Variants in CDK5RAP2 observed in about 807,000 individuals in gnomAD.
The protein encoded by CDK5RAP2 is CDK5 regulatory subunit-associated protein 2.
A neutral mutation model predicts 232.9 loss-of-function variants in CDK5RAP2; 147 were observed. That is an observed-to-expected ratio of 0.63 (90% CI 0.55 to 0.72). CDK5RAP2 has a LOEUF of 0.72. Ranked by LOEUF, CDK5RAP2 falls within the 30% of genes least tolerant of loss-of-function variation. The pLI is 0.00. For synonymous variants in CDK5RAP2, 833 were observed against 833.7 expected (o/e 1.00, Z 0.01); for missense variants, 2,195 against 2,231.5 (o/e 0.98, Z 0.33).
chr9:120,447,228 T>C (rs527577635), intron 22 of CDK5RAP2, among the ~76,000 whole-genome samples: 6 of 152,220 alleles, frequency 3.9e-5, no homozygotes, highest in Non-Finnish European at 7.3e-5. Flanking sequence ...ATGCTACTTA[T>C]ATGCTCAGCT....
At chr9:120,552,532 T>C (rs1202452452) in intron 3 of CDK5RAP2, among the ~76,000 whole-genome samples, 1 of 152,088 alleles carries the variant, frequency 6.6e-6, no homozygotes, top group African/African-American at 2.4e-5. Flanking sequence ...GATGAATTCA[T>C]GTCCTTTGTA....
chr9:120,427,213 C>G (rs936555342), intron 25 of CDK5RAP2, among the ~76,000 whole-genome samples: 1 of 152,166 alleles, frequency 6.6e-6, no homozygotes, highest in African/African-American at 2.4e-5. Flanking sequence ...CTGGGCCACT[C>G]TGTGTCTTGG....
chr9:120,440,096 C>G, intron 23 of CDK5RAP2, 124 bp from the exon 24 acceptor site: 1 of 778,020 alleles, frequency 1.3e-6, no homozygotes, highest in Non-Finnish European at 2.2e-6. Flanking sequence ...TCAAAAAGGC[C>G]CTAGTATTTC....
intron 18 of CDK5RAP2, among the ~76,000 whole-genome samples, chr9:120,466,111 TC>T (rs1238562672): frequency 1.3e-5 from 2 of 152,164 alleles, no homozygotes; most frequent in Non-Finnish European, 2.9e-5. Context: ...TACTTGCTTT[TC>T]CCCCCTCCTT....
chr9:120,466,858 C>A (rs1012206807), intron 18 of CDK5RAP2, among the ~76,000 whole-genome samples: 3 of 152,198 alleles, frequency 2.0e-5, no homozygotes, highest in African/African-American at 7.2e-5. Flanking sequence ...AATGTGAGTT[C>A]TCCATTTACC....
At chr9:120,565,495 A>G (rs2042616127) in intron 3 of CDK5RAP2, among the ~76,000 whole-genome samples, 1 of 152,104 alleles carries the variant, frequency 6.6e-6, no homozygotes, top group South Asian at 2.1e-4. Context: ...CTTCAGGACA[A>G]AAACCAAACA....
Position 120,461,942 on chromosome 9 carries a change from T to C in CDK5RAP2, c.2107-1275A>G, listed in dbSNP as rs189903096. Reference sequence around the variant, plus strand: ...TGTTGTACGTGTGAGATACCTACGGTTCTAGCTCAAGTTTTATTTCTGAAT... The same window carrying C: ...TGTTGTACGTGTGAGATACCTACGGCTCTAGCTCAAGTTTTATTTCTGAAT... On this transcript the variant is annotated intron_variant, in intron 18 of 37. Transcript: ENST00000349780. 1.9e-3 allele frequency among the ~76,000 whole-genome samples: 284 copies of C among 152,350 alleles called. 2 individuals are homozygous for C. The highest frequency in any genetic ancestry group is 6.5e-3 in the African/African-American group (269 of 41,578).
chr9:120,444,488 G>C (rs529837822), intron 22 of CDK5RAP2, among the ~76,000 whole-genome samples: 65 of 152,334 alleles, frequency 4.3e-4, no homozygotes, highest in African/African-American at 1.1e-3. Flanking sequence ...CATGAGGCTG[G>C]AAACATAGCA....
At chr9:120,449,832 T>C (rs191193755) in intron 21 of CDK5RAP2, among the ~76,000 whole-genome samples, 6 of 152,206 alleles carry the variant, frequency 3.9e-5, no homozygotes, top group East Asian at 1.9e-4. Context: ...CACTACTTCA[T>C]ACCTATTAGA....
At chr9:120,393,520 C>G (rs774433127) in intron 36 of CDK5RAP2, among the ~76,000 whole-genome samples, 1 of 152,256 alleles carries the variant, frequency 6.6e-6, no homozygotes, top group Non-Finnish European at 1.5e-5. Flanking sequence ...ACAAGGCAGG[C>G]TGGCACCTCC....
intron 29 of CDK5RAP2, among the ~76,000 whole-genome samples, chr9:120,410,810 T>C (rs2033800542): frequency 6.6e-6 from 1 of 152,236 alleles, no homozygotes; most frequent in South Asian, 2.1e-4. Context: ...GTTTCTCACC[T>C]GTCAAATAGG....
chr9:120,404,177 A>G (rs2033273266), intron 32 of CDK5RAP2, 64 bp from the exon 33 acceptor site: 5 of 1,025,624 alleles, frequency 4.9e-6, no homozygotes, highest in Non-Finnish European at 7.7e-6. Flanking sequence ...AGAGAACTGA[A>G]AGAGAATACA....
At chr9:120,564,970 C>T (rs2042596550) in intron 3 of CDK5RAP2, among the ~76,000 whole-genome samples, 1 of 152,206 alleles carries the variant, frequency 6.6e-6, no homozygotes, top group Non-Finnish European at 1.5e-5. Context: ...AGAAGAGCAA[C>T]TGATTTACCG....
intron 6 of CDK5RAP2, 98 bp downstream of exon 6, chr9:120,538,943 G>T: frequency 1.5e-6 from 2 of 1,307,756 alleles, no homozygotes; most frequent in Non-Finnish European, 2.2e-6. Context: ...TGTTGTTTCT[G>T]CTGAAACTGA....
At chr9:120,503,830 A>G (rs1408356750) in intron 12 of CDK5RAP2, among the ~76,000 whole-genome samples, 1 of 151,872 alleles carries the variant, frequency 6.6e-6, no homozygotes, top group Non-Finnish European at 1.5e-5. Context: ...GTTTCCTCAC[A>G]TGGCCATGGC....
At chr9:120,459,801 C>G (rs1056611432) in intron 19 of CDK5RAP2, among the ~76,000 whole-genome samples, 3 of 152,156 alleles carry the variant, frequency 2.0e-5, no homozygotes, top group Non-Finnish European at 4.4e-5. Context: ...CTTTCTAAAA[C>G]TATCTACATT....
At position 120,400,890 on chromosome 9, in the gene CDK5RAP2, AC is replaced by A; in HGVS notation, c.5308-6del. The A allele has an allele frequency of 6.2e-7, 1 of 1,614,132 alleles. No homozygotes were observed. The highest frequency in any genetic ancestry group is 1.1e-5 in the South Asian group (1 of 91,082). ...CAGTGGTGCTGGGTGTGGACCCTAC[AC>A]GGGGGATATGAAGGCTGTTACGTGC... On this transcript the variant is annotated splice_region_variant and splice_polypyrimidine_tract_variant and intron_variant, in intron 34 of 37. Coordinates refer to ENST00000349780, the MANE Select transcript of CDK5RAP2 (RefSeq NM_018249.6).
intron 34 of CDK5RAP2, among the ~76,000 whole-genome samples, chr9:120,402,104 C>A (rs540358899): frequency 1.7e-3 from 264 of 152,208 alleles, no homozygotes; most frequent in African/African-American, 5.9e-3. Context: ...CCAGCCTGGG[C>A]AACAGAGTGA....
At chr9:120,510,042 C>T (rs2040006979) in intron 12 of CDK5RAP2, among the ~76,000 whole-genome samples, 1 of 152,120 alleles carries the variant, frequency 6.6e-6, no homozygotes, top group African/African-American at 2.4e-5. Context: ...GATCTGTGGT[C>T]TTAGCCCTAA....
Sources: gnomAD v4.1 joint callset for allele counts (sites outside exome capture counted in the v4.1 genomes callset) on GRCh38, gnomAD v4.1.1 for gene constraint, MANE v1.5 for transcripts, NCBI Gene and HGNC (gene_info 2026-07-23, HGNC 2026-07-21) for gene names.